Variants in ARHGEF10L observed in about 807,000 individuals in gnomAD.
ARHGEF10L encodes the protein Rho guanine nucleotide exchange factor 10 like.
ARHGEF10L carries 69 observed loss-of-function variants against 141.2 expected under a neutral mutation model. That is an observed-to-expected ratio of 0.49 (90% confidence interval 0.40 to 0.60). The LOEUF (loss-of-function observed/expected upper bound fraction) is 0.60. Among genes scored for constraint, ARHGEF10L ranks in the 20% least tolerant of loss-of-function variants. ARHGEF10L has a pLI of 0.00. For missense variants in ARHGEF10L, 1,482 were observed against 1,734.3 expected (o/e 0.85, Z 2.58); for synonymous variants, 711 against 718.5 (o/e 0.99, Z 0.17).
Position 17,662,400 on chromosome 1 carries a change from G to A in ARHGEF10L, c.2861-2047G>A, listed in dbSNP as rs11579466. Among the ~76,000 whole-genome samples the A allele has an allele frequency of 4.5e-4, 68 of 152,292 alleles. 1 individual carries two copies. The highest frequency in any genetic ancestry group is 1.5e-3 in the African/African-American group (64 of 41,568). On this transcript the variant is annotated intron_variant, in intron 25 of 28. Coordinates refer to ENST00000361221, the MANE Select transcript of ARHGEF10L (RefSeq NM_018125.4). ...GCCCAGTGTGCAGATAAGGGAAACT[G>A]AGGTCCAGAGAGGCGAAGCCCCCGT...
chr1:17,521,488 G>A, the ARHGEF10L span, among the ~76,000 whole-genome samples: 1 of 152,240 alleles, frequency 6.6e-6, no homozygotes, highest in African/African-American at 2.4e-5. Flanking sequence ...AGAGCTCGAT[G>A]TTTTTGGAGG....
intron 9 of ARHGEF10L, chr1:17,618,220 C>A: frequency 8.8e-7 from 1 of 1,136,054 alleles, no homozygotes; most frequent in Non-Finnish European, 1.2e-6. Flanking sequence ...CTGGGTCACC[C>A]TCCCAACCCC....
chr1:17,581,032 C>G (rs2078499773), intron 2 of ARHGEF10L, among the ~76,000 whole-genome samples: 1 of 152,016 alleles, frequency 6.6e-6, no homozygotes, highest in South Asian at 2.1e-4. Flanking sequence ...AAGAAAAATA[C>G]AGCCAGGCAT....
At chr1:17,674,231 A>G (rs1006394925) in intron 26 of ARHGEF10L, among the ~76,000 whole-genome samples, 1 of 152,034 alleles carries the variant, frequency 6.6e-6, no homozygotes, top group Admixed American at 6.5e-5. Flanking sequence ...TGAGCCTTCC[A>G]GGGCTCCAGT....
At chr1:17,586,912 T>A (rs1008928030) in intron 2 of ARHGEF10L, among the ~76,000 whole-genome samples, 1 of 152,132 alleles carries the variant, frequency 6.6e-6, no homozygotes, top group Non-Finnish European at 1.5e-5. Context: ...GCTGAGAGCT[T>A]GGTGCCTTCC....
At chr1:17,620,828 C>A (rs561900933) in intron 10 of ARHGEF10L, among the ~76,000 whole-genome samples, 44 of 152,306 alleles carry the variant, frequency 2.9e-4, no homozygotes, top group African/African-American at 1.0e-3. Context: ...AGCGTCCTAA[C>A]TTTGCTGCAC....
intron 4 of ARHGEF10L, among the ~76,000 whole-genome samples, chr1:17,589,060 C>T (rs1190788425): frequency 6.6e-6 from 1 of 152,012 alleles, no homozygotes; most frequent in East Asian, 1.9e-4. Context: ...GGCAGTGTAG[C>T]CTAGTGGTTA....
At chr1:17,567,092 G>C (rs957973780) in intron 1 of ARHGEF10L, among the ~76,000 whole-genome samples, 4 of 152,174 alleles carry the variant, frequency 2.6e-5, no homozygotes, top group African/African-American at 9.7e-5. Flanking sequence ...CAAAGAACTG[G>C]GCCACAGGAC....
At chr1:17,552,085 A>G (rs138758182) in intron 1 of ARHGEF10L, among the ~76,000 whole-genome samples, 36 of 152,282 alleles carry the variant, frequency 2.4e-4, no homozygotes, top group East Asian at 5.8e-4. Context: ...TTCCTCCCCA[A>G]TGAGTGATGG....
chr1:17,553,000 G>C (rs749408612), intron 1 of ARHGEF10L, among the ~76,000 whole-genome samples: 1 of 152,090 alleles, frequency 6.6e-6, no homozygotes, highest in Non-Finnish European at 1.5e-5. Flanking sequence ...CTTGACTTTG[G>C]GACACCCCAG....
At chr1:17,641,686 T>G (rs974606857) in intron 21 of ARHGEF10L, among the ~76,000 whole-genome samples, 3 of 149,224 alleles carry the variant, frequency 2.0e-5, no homozygotes, top group African/African-American at 7.4e-5. Flanking sequence ...TGGAAAGAAG[T>G]CAGGACCTTT....
At chr1:17,522,569 G>T in the ARHGEF10L span, among the ~76,000 whole-genome samples, 6 of 151,564 alleles carry the variant, frequency 4.0e-5, no homozygotes, top group Admixed American at 3.9e-4. Context: ...AGAAATCCTC[G>T]TCGGGGGCAG....
chr1:17,674,835 G>A (rs1011703186), intron 26 of ARHGEF10L, among the ~76,000 whole-genome samples: 6 of 152,068 alleles, frequency 3.9e-5, no homozygotes, highest in Admixed American at 1.3e-4. Context: ...GTTCAGTACC[G>A]TCTCATGCTG....
chr1:17,530,344 C>A, the ARHGEF10L span, among the ~76,000 whole-genome samples: 5 of 152,178 alleles, frequency 3.3e-5, no homozygotes, highest in Non-Finnish European at 5.9e-5. Flanking sequence ...CTCTGTGGGA[C>A]AATGGGTAAG....
At chr1:17,680,650 C>A (rs146365197) in intron 26 of ARHGEF10L, among the ~76,000 whole-genome samples, 1 of 152,216 alleles carries the variant, frequency 6.6e-6, no homozygotes, top group South Asian at 2.1e-4. Context: ...CTTTTTGTCC[C>A]CGTGTACAGA....
At chr1:17,622,127 T>TTCA (rs925397489) in intron 11 of ARHGEF10L, among the ~76,000 whole-genome samples, 186 bp downstream of exon 11, 5 of 152,162 alleles carry the variant, frequency 3.3e-5, no homozygotes, top group African/African-American at 1.2e-4. Flanking sequence ...TGCCCTGGTG[T>TTCA]TCACGGGAGT....
intron 2 of ARHGEF10L, among the ~76,000 whole-genome samples, chr1:17,583,934 C>T (rs534286998): frequency 6.6e-6 from 1 of 152,316 alleles, no homozygotes; most frequent in African/African-American, 2.4e-5. Flanking sequence ...TCACTGCAGC[C>T]TCAAATTCCT....
At position 17,673,346 on chromosome 1, in the gene ARHGEF10L, A is replaced by C. The variant is rs2063446093; in HGVS notation, c.3009+8751A>C. 6.6e-6 allele frequency among the ~76,000 whole-genome samples: 1 copy of C among 151,498 alleles called. No homozygotes were observed. The highest frequency in any genetic ancestry group is 6.6e-5 in the Admixed American group (1 of 15,240). On this transcript the variant is annotated intron_variant, in intron 26 of 28. Transcript: ENST00000361221. This position sits in a 1 kb window ranked among gnomAD's most constrained non-coding sequence, Gnocchi z 4.1. ...CCCCTCTGAGCCCGGCAGCAGGGAG[A>C]GGGGGAGGGCAGATGCCCAAGGGGC...
rs1571052183 is a variant in ARHGEF10L at position 17,627,270 on chromosome 1, C to T, written c.1411-60C>T. The T allele has an allele frequency of 1.9e-6, 3 of 1,581,248 alleles. No individual in the cohort carries two copies. Among genetic ancestry groups the T allele is most frequent in the Non-Finnish European group, 1.7e-6 (2 of 1,159,270 alleles). ...GGGGTTGCGCAGGGTGAGGCTTTGCCCCAGGCTGGGGTAGAGTTGGTCATG... is the reference window on the plus strand; with the variant it reads ...GGGGTTGCGCAGGGTGAGGCTTTGCTCCAGGCTGGGGTAGAGTTGGTCATG... On this transcript the variant is annotated intron_variant, in intron 14 of 28. Coordinates refer to ENST00000361221, the MANE Select transcript of ARHGEF10L (RefSeq NM_018125.4). The surrounding 1 kb of genome is among the most constrained non-coding windows in gnomAD (Gnocchi z 4.0).
Sources: gnomAD v4.1 joint callset for allele counts (sites outside exome capture counted in the v4.1 genomes callset) on GRCh38, gnomAD v4.1.1 for gene constraint, Gnocchi (gnomAD v3.1) non-coding constraint, MANE v1.5 for transcripts, NCBI Gene and HGNC (gene_info 2026-07-23, HGNC 2026-07-21) for gene names.